ANTXR2: variants seen among roughly 807,000 people sequenced by gnomAD.
The protein encoded by ANTXR2 is anthrax toxin receptor 2.
Under a neutral mutation model 73.7 loss-of-function variants are expected in ANTXR2, and 44 were observed. That is an observed-to-expected ratio of 0.60 (90% CI 0.47 to 0.77). The LOEUF is 0.77. Among genes scored for constraint, ANTXR2 ranks in the 30% least tolerant of loss-of-function variants. The pLI, the probability that ANTXR2 is intolerant of heterozygous loss-of-function variation, is 0.00. For missense variants in ANTXR2, 604 were observed against 592.5 expected, an observed-to-expected ratio of 1.02 and a Z score of -0.20; for synonymous variants, 217 against 205.9, an observed-to-expected ratio of 1.05 and a Z score of -0.46.
intron 12 of ANTXR2, among the ~76,000 whole-genome samples, chr4:80,002,938 T>C (rs1406384107): frequency 3.0e-5 from 4 of 134,388 alleles, no homozygotes; most frequent in African/African-American, 5.1e-5. Context: ...TGTGGAGAAA[T>C]AGGAACACTT....
chr4:80,052,058 A>T (rs1438485611), intron 7 of ANTXR2, among the ~76,000 whole-genome samples: 2 of 151,632 alleles, frequency 1.3e-5, no homozygotes, highest in Non-Finnish European at 3.0e-5. Flanking sequence ...CAGGAAAAAA[A>T]ATTATCAATT....
At position 80,072,833 on chromosome 4, in the gene ANTXR2, A is replaced by C; in HGVS notation, c.-273T>G. The C allele has an allele frequency of 1.4e-6, 1 of 708,710 alleles. No homozygotes were observed. Among genetic ancestry groups the C allele is most frequent in the Non-Finnish European group, 2.0e-6 (1 of 511,926 alleles). The allele number at this position is 708,710 out of a possible 1,614,324, so 43.9% of individuals were successfully genotyped here. On this transcript the variant is annotated 5_prime_UTR_variant, in exon 1 of 17. Coordinates refer to ENST00000403729, the MANE Select transcript of ANTXR2 (RefSeq NM_058172.6). ...GCGCGATCCAGTCCTCCCCCTCCCG[A>C]TTCCGGAGAGTTCCTGCAGACAATG...
At chr4:80,027,543 A>T (rs1732498849) in intron 10 of ANTXR2, among the ~76,000 whole-genome samples, 1 of 152,124 alleles carries the variant, frequency 6.6e-6, no homozygotes, top group Admixed American at 6.6e-5. Flanking sequence ...TTTTAAGAGA[A>T]CTAATACTAT....
intron 3 of ANTXR2, among the ~76,000 whole-genome samples, chr4:80,065,415 GT>G (rs903748492): frequency 6.6e-6 from 1 of 151,966 alleles, no homozygotes; most frequent in Non-Finnish European, 1.5e-5. Flanking sequence ...TTATCTTTGT[GT>G]TACCCCAGGT....
chr4:79,930,129 TG>T (rs1454830398), intron 16 of ANTXR2, among the ~76,000 whole-genome samples: 1 of 152,202 alleles, frequency 6.6e-6, no homozygotes, highest in East Asian at 1.9e-4. Flanking sequence ...TTCTATGTCT[TG>T]GATACTTGTA....
At chr4:80,014,577 T>C (rs774683591) in intron 11 of ANTXR2, among the ~76,000 whole-genome samples, 1 of 151,586 alleles carries the variant, frequency 6.6e-6, no homozygotes, top group Non-Finnish European at 1.5e-5. Context: ...AAAATATATA[T>C]ATATAAATAA....
At position 79,926,969 on chromosome 4, in the gene ANTXR2, G is replaced by GTATATATACACGTGTGCATGTATGTGTA. The variant is rs1553925975; in HGVS notation, c.1429-19503_1429-19502insTACACATACATGCACACGTGTATATATA. Among the ~76,000 whole-genome samples, 15 of 81,078 alleles carry GTATATATACACGTGTGCATGTATGTGTA rather than the reference G, an allele frequency of 1.9e-4. No individual in the cohort carries two copies. The South Asian group carries it at 1.9e-3, about 10-fold the overall frequency. 53.2% of individuals were successfully genotyped at this position (81,078 alleles called of 152,430 possible). A position where few individuals can be genotyped will look rare whatever the true frequency, so the allele number is the denominator to read the frequency against. On this transcript the variant is annotated intron_variant, in intron 16 of 16. Coordinates refer to ENST00000403729, the MANE Select transcript of ANTXR2 (RefSeq NM_058172.6). ...TGTATATATACGTGTGCATATATGT[G>GTATATATACACGTGTGCATGTATGTGTA]TATATATACGTGTGCATATATGTGT...
intron 16 of ANTXR2, among the ~76,000 whole-genome samples, chr4:79,929,167 T>C (rs4690127): frequency 0.12 from 18,288 of 152,156 alleles, 2,475 homozygotes; most frequent in East Asian, 0.71. Context: ...TGACCACTAC[T>C]GGGCTCACAG....
chr4:80,054,021 A>T (rs1396748916), intron 7 of ANTXR2, among the ~76,000 whole-genome samples: 1 of 151,728 alleles, frequency 6.6e-6, no homozygotes, highest in East Asian at 1.9e-4. Context: ...AGTGTCTGAG[A>T]CTTAAAATCT....
chr4:80,066,954 T>G (rs759847675), intron 3 of ANTXR2, among the ~76,000 whole-genome samples: 2 of 151,852 alleles, frequency 1.3e-5, no homozygotes, highest in South Asian at 4.2e-4. Context: ...TCCTAGCACT[T>G]TGGGAGGCCG....
chr4:79,931,428 G>A (rs1728047027), intron 16 of ANTXR2, among the ~76,000 whole-genome samples: 1 of 146,302 alleles, frequency 6.8e-6, no homozygotes, highest in South Asian at 2.1e-4. Context: ...TGAGTAAAAT[G>A]TTCTAGGATT....
chr4:80,063,024 TGA>T (rs1734334856), intron 3 of ANTXR2, among the ~76,000 whole-genome samples: 1 of 151,784 alleles, frequency 6.6e-6, no homozygotes, highest in Admixed American at 6.6e-5. Context: ...AAACTATAAA[TGA>T]GAAAAAATTA....
At chr4:79,991,956 T>A (rs968845202) in intron 12 of ANTXR2, among the ~76,000 whole-genome samples, 3 of 151,804 alleles carry the variant, frequency 2.0e-5, no homozygotes, top group Non-Finnish European at 2.9e-5. Context: ...AGGGCCTACA[T>A]GAAGTGAGAA....
chr4:80,043,886 T>C (rs1733396564), intron 7 of ANTXR2, among the ~76,000 whole-genome samples: 2 of 151,844 alleles, frequency 1.3e-5, no homozygotes, highest in Admixed American at 1.3e-4. Context: ...TCTAGGAATG[T>C]CCCAAATTAA....
chr4:80,030,865 C>T (rs1732656817), intron 10 of ANTXR2, among the ~76,000 whole-genome samples: 2 of 151,852 alleles, frequency 1.3e-5, no homozygotes, highest in African/African-American at 4.8e-5. Context: ...AAACTGTATC[C>T]TATTAACTAT....
chr4:79,997,390 A>G (rs1730780806), intron 12 of ANTXR2, among the ~76,000 whole-genome samples: 1 of 152,048 alleles, frequency 6.6e-6, no homozygotes, highest in South Asian at 2.1e-4. Context: ...CACAGACAAT[A>G]GAGAAACATT....
rs922338295 is a variant in ANTXR2, at chr4:80,073,145, G to C, written c.-585C>G. 6.5e-6 allele frequency: 1 copy of C among 152,684 alleles called. No individual in the cohort carries two copies. The highest frequency in any genetic ancestry group is 1.9e-4 in the East Asian group (1 of 5,174). The allele number at this position is 152,684 out of a possible 1,614,324, so 9.5% of individuals were successfully genotyped here. A position where few individuals can be genotyped will look rare whatever the true frequency, so the allele number is the denominator to read the frequency against. On this transcript the variant is annotated 5_prime_UTR_variant, in exon 1 of 17. Transcript: ENST00000403729. ...TGACAGGCCGTCCCCTTTAGGGGAGGAGGCTAGCTGGCCCTGGGACTCCCG... is the reference window on the plus strand; with the variant it reads ...TGACAGGCCGTCCCCTTTAGGGGAGCAGGCTAGCTGGCCCTGGGACTCCCG...
chr4:79,955,663 A>G (rs890006800), intron 16 of ANTXR2, among the ~76,000 whole-genome samples: 1 of 152,150 alleles, frequency 6.6e-6, no homozygotes, highest in Non-Finnish European at 1.5e-5. Context: ...TTAAAAAAAC[A>G]AGACTGCTAG....
chr4:80,007,383 C>T (rs1450945815), intron 12 of ANTXR2, among the ~76,000 whole-genome samples: 1 of 152,070 alleles, frequency 6.6e-6, no homozygotes, highest in African/African-American at 2.4e-5. Flanking sequence ...TGGAAGAGGG[C>T]TTCCTTAAGA....
Sources: allele counts gnomAD v4.1 joint callset (sites outside exome capture counted in the v4.1 genomes callset), GRCh38; gene constraint gnomAD v4.1.1; transcripts MANE v1.5; gene names NCBI Gene and HGNC (gene_info 2026-07-23, HGNC 2026-07-21).